FBLN1: variants seen among roughly 807,000 people sequenced by gnomAD.
FBLN1 encodes fibulin 1, also known as fibulin-1.
Under a neutral mutation model 89.7 loss-of-function variants are expected in FBLN1, and 34 were observed. The ratio of observed to expected loss-of-function variants is 0.38; its 90% confidence interval spans 0.29 to 0.50. The LOEUF is 0.50. Among genes scored for constraint, FBLN1 ranks in the 20% least tolerant of loss-of-function variants. The pLI is 0.92. For missense variants in FBLN1, 777 were observed against 988.1 expected (o/e 0.79, Z 2.86); for synonymous variants, 393 against 391.3 (o/e 1.00, Z -0.05).
chr22:45,586,428 A>G, intron 16 of FBLN1, among the ~76,000 whole-genome samples: 1 of 152,150 alleles, frequency 6.6e-6, no homozygotes. Flanking sequence ...AGCGCAGGTG[A>G]GACAATGCAG....
intron 3 of FBLN1, among the ~76,000 whole-genome samples, chr22:45,526,574 T>A (rs1331121693): frequency 2.0e-5 from 3 of 152,080 alleles, no homozygotes; most frequent in African/African-American, 4.8e-5. Flanking sequence ...GGTGATGGAA[T>A]AATTTTAAGA....
At chr22:45,553,620 T>C (rs375292974) in intron 14 of FBLN1, among the ~76,000 whole-genome samples, 4 of 152,366 alleles carry the variant, frequency 2.6e-5, no homozygotes, top group African/African-American at 7.2e-5. Flanking sequence ...TTTTTGTGCA[T>C]TAGTCATTTG....
At chr22:45,529,900 A>C (rs977857131) in intron 4 of FBLN1, among the ~76,000 whole-genome samples, 1 of 152,010 alleles carries the variant, frequency 6.6e-6, no homozygotes, top group Admixed American at 6.6e-5. Context: ...AGAGGTGGGG[A>C]GGTGCCGGAA....
rs59924210 is a variant in FBLN1, at chr22:45,522,902, G to A, written c.186-2641G>A. On this transcript the variant is annotated intron_variant, in intron 2 of 16. Transcript: ENST00000327858. Reference sequence around the variant, plus strand: ...CCTGCTAGGTGCCAGGCTCCGTTCTGGTGAGTGGGGATCAATCGGTGAACG... The same window carrying A: ...CCTGCTAGGTGCCAGGCTCCGTTCTAGTGAGTGGGGATCAATCGGTGAACG... 8.5e-3 allele frequency among the ~76,000 whole-genome samples: 1,292 copies of A among 152,266 alleles called. 20 individuals carry two copies. The highest frequency in any genetic ancestry group is 0.03 in the African/African-American group (1,239 of 41,560).
intron 14 of FBLN1, chr22:45,564,964 G>A (rs1281469248): frequency 3.1e-6 from 5 of 1,613,982 alleles, no homozygotes; most frequent in East Asian, 2.2e-5. Context: ...TGGAAGCAGG[G>A]GTTGGAGGAT....
In FBLN1 at chr22:45,547,024, G is replaced by C. The variant is rs866515808; in HGVS notation, c.1322-61G>C. Reference sequence around the variant, plus strand: ...AGATTTTCTGTTCACTGACCCTGAGGGCTACTGTGGAGGCAGGGACGTATG... The same window carrying C: ...AGATTTTCTGTTCACTGACCCTGAGCGCTACTGTGGAGGCAGGGACGTATG... On this transcript the variant is annotated intron_variant, in intron 11 of 16. Coordinates refer to ENST00000327858, the MANE Select transcript of FBLN1 (RefSeq NM_006486.3). 5 of 1,611,990 alleles carry C rather than the reference G, an allele frequency of 3.1e-6. No homozygotes were observed. The Middle Eastern group carries it at 8.3e-4, about 266-fold the overall frequency.
intron 14 of FBLN1, among the ~76,000 whole-genome samples, chr22:45,570,512 A>G (rs577344932): frequency 2.0e-5 from 3 of 152,224 alleles, no homozygotes; most frequent in African/African-American, 7.2e-5. Flanking sequence ...ACAAAAGTGA[A>G]TAAACAGATA....
At chr22:45,528,118 T>C in intron 4 of FBLN1, 109 bp downstream of exon 4, 1 of 1,256,790 alleles carries the variant, frequency 8.0e-7, no homozygotes, top group South Asian at 1.3e-5. Flanking sequence ...GCTCATGTGA[T>C]CGTGGGGCTG....
intron 16 of FBLN1, among the ~76,000 whole-genome samples, chr22:45,599,557 G>C (rs1242886946): frequency 2.6e-5 from 4 of 152,134 alleles, no homozygotes; most frequent in Non-Finnish European, 5.9e-5. Flanking sequence ...CAGGGGGTTG[G>C]AAGGAGGGAG....
intron 1 of FBLN1, among the ~76,000 whole-genome samples, chr22:45,516,525 G>A (rs924351892): frequency 2.0e-5 from 3 of 152,222 alleles, no homozygotes; most frequent in Admixed American, 2.0e-4. Context: ...ATGATAACAC[G>A]GTTGTCACTC....
At chr22:45,529,727 G>A (rs136737) in intron 4 of FBLN1, among the ~76,000 whole-genome samples, 47,334 of 151,970 alleles carry the variant, frequency 0.31, 8,931 homozygotes, top group Middle Eastern at 0.45. Context: ...TTAGCTGGGC[G>A]TGGTGGCGGG....
chr22:45,504,627 G>T (rs565082350), intron 1 of FBLN1, among the ~76,000 whole-genome samples: 2 of 152,214 alleles, frequency 1.3e-5, no homozygotes, highest in Admixed American at 1.3e-4. Flanking sequence ...CCTGAGAGAA[G>T]GCGTGGTAAA....
intron 3 of FBLN1, 125 bp downstream of exon 3, chr22:45,525,803 C>A: frequency 8.0e-7 from 1 of 1,246,752 alleles, no homozygotes; most frequent in Non-Finnish European, 1.1e-6. Context: ...TTGTGAGCAG[C>A]TGGGGGTTCC....
At position 45,562,948 on chromosome 22, in the gene FBLN1, G is replaced by A; in HGVS notation, c.1698-11563G>A. ...GCTTGCCTTGCCATGAGAATCGGGA[G>A]TGCTCCAAGCTGCCTCTGAGAATAA... On this transcript the variant is annotated intron_variant, in intron 14 of 16. Coordinates refer to ENST00000327858, the MANE Select transcript of FBLN1 (RefSeq NM_006486.3). The surrounding 1 kb of genome is among the most constrained non-coding windows in gnomAD (Gnocchi z 7.8). The A allele has an allele frequency of 6.2e-7, 1 of 1,614,052 alleles. No homozygotes were observed. Among genetic ancestry groups the A allele is most frequent in the African/African-American group, 1.3e-5 (1 of 75,042 alleles).
intron 1 of FBLN1, chr22:45,503,635 T>C (rs1011521450): frequency 2.6e-5 from 4 of 152,600 alleles, no homozygotes; most frequent in Non-Finnish European, 5.8e-5. Context: ...CTGGAGGTTT[T>C]TGGGGCGTAG....
At chr22:45,509,111 G>T (rs964886603) in intron 1 of FBLN1, among the ~76,000 whole-genome samples, 5 of 152,126 alleles carry the variant, frequency 3.3e-5, no homozygotes, top group African/African-American at 1.2e-4. Context: ...GAAGCTCCAG[G>T]TTCCAAATGC....
chr22:45,590,897 C>T lies in FBLN1; in HGVS notation c.1973-9410C>T, dbSNP rs1027515143. Among the ~76,000 whole-genome samples, 3 of 151,844 alleles carry T rather than the reference C, an allele frequency of 2.0e-5. No homozygotes were observed. Among genetic ancestry groups the T allele is most frequent in the Admixed American group, 1.3e-4 (2 of 15,246 alleles). ...ATTTGAATTGTCCATCTGGGAGGGG[C>T]GTCTGGAGAAATTGGAGTGGACTCC... On this transcript the variant is annotated intron_variant, in intron 16 of 16. Coordinates refer to ENST00000327858, the MANE Select transcript of FBLN1 (RefSeq NM_006486.3). This position sits in a 1 kb window ranked among gnomAD's most constrained non-coding sequence, Gnocchi z 4.1.
intron 10 of FBLN1, 68 bp downstream of exon 10, chr22:45,542,351 C>T: frequency 1.9e-6 from 3 of 1,592,864 alleles, no homozygotes; most frequent in Non-Finnish European, 2.6e-6. Flanking sequence ...ATTTCTGTGG[C>T]ACCTCGAGTG....
In FBLN1 at chr22:45,556,753, T is replaced by G. The variant is rs2088793408; in HGVS notation, c.1697+6138T>G. On this transcript the variant is annotated intron_variant, in intron 14 of 16. Transcript: ENST00000327858. This position sits in a 1 kb window ranked among gnomAD's most constrained non-coding sequence, Gnocchi z 4.6. ...GCTTCAAGTGTCCAGGTGGCAATCT[T>G]AATTTCCAGTTTAATGGAATCCTTG... is the stretch of plus-strand genomic sequence containing the variant. Among the ~76,000 whole-genome samples, 1 of 152,172 alleles carries G rather than the reference T, an allele frequency of 6.6e-6. No homozygotes were observed. The highest frequency in any genetic ancestry group is 6.5e-5 in the Admixed American group (1 of 15,284).
Sources: gnomAD v4.1 joint callset for allele counts (sites outside exome capture counted in the v4.1 genomes callset) on GRCh38, gnomAD v4.1.1 for gene constraint, Gnocchi (gnomAD v3.1) non-coding constraint, MANE v1.5 for transcripts, NCBI Gene and HGNC (gene_info 2026-07-23, HGNC 2026-07-21) for gene names.